TPTE2: variants seen among roughly 807,000 people sequenced by gnomAD.
The protein encoded by TPTE2 is transmembrane phosphoinositide 3-phosphatase and tensin homolog 2.
TPTE2 carries 53 observed loss-of-function variants against 78.6 expected under a neutral mutation model. The ratio of observed to expected loss-of-function variants is 0.67; its 90% CI spans 0.54 to 0.85. The LOEUF (loss-of-function observed/expected upper bound fraction) is 0.85, where lower values mean the gene tolerates loss of function less well. Ranked by LOEUF, TPTE2 falls within the 40% of genes least tolerant of loss-of-function variation. The probability of loss-of-function intolerance (pLI) is 0.00; values close to 1 mark genes in which losing one functional copy is unlikely to be tolerated. For synonymous variants in TPTE2, 175 were observed against 206.2 expected (o/e 0.85, Z 1.30); for missense variants, 461 against 623.0 (o/e 0.74, Z 2.77).
chr13:19,475,681 C>T (rs1233058774), intron 4 of TPTE2, 58 bp from the exon 8 acceptor site: 3 of 1,547,134 alleles, frequency 1.9e-6, no homozygotes, highest in African/African-American at 2.8e-5. Context: ...GTAAATTTAA[C>T]CAAAAAACAA....
intron 10 of TPTE2, among the ~76,000 whole-genome samples, chr13:19,458,055 A>G (rs1199832740): frequency 1.3e-5 from 2 of 152,188 alleles, no homozygotes; most frequent in Non-Finnish European, 2.9e-5. Context: ...CTAAATATAA[A>G]CCAATATAAA....
At chr13:19,519,199 C>T (rs1869996034) in intron 1 of TPTE2, among the ~76,000 whole-genome samples, 1 of 151,920 alleles carries the variant, frequency 6.6e-6, no homozygotes, top group Non-Finnish European at 1.5e-5. Flanking sequence ...TGAAATATGC[C>T]CAGAGCATTC....
At chr13:19,528,850 T>G (rs1225176422) in intron 1 of TPTE2, among the ~76,000 whole-genome samples, 1 of 152,172 alleles carries the variant, frequency 6.6e-6, no homozygotes, top group Admixed American at 6.5e-5. Flanking sequence ...CTGGGTGTGG[T>G]GGCTCACGCC....
At chr13:19,529,883 T>C (rs1340394088) in intron 1 of TPTE2, among the ~76,000 whole-genome samples, 1 of 152,174 alleles carries the variant, frequency 6.6e-6, no homozygotes, top group African/African-American at 2.4e-5. Flanking sequence ...TCCACTGAGC[T>C]TTCTGGCTTT....
the TPTE2 span, chr13:19,560,525 G>A: frequency 6.3e-7 from 1 of 1,587,078 alleles, no homozygotes. Flanking sequence ...TGGTCAGACA[G>A]CGACAGCGAT....
intron 1 of TPTE2, among the ~76,000 whole-genome samples, chr13:19,512,205 A>G (rs911680206): frequency 6.6e-6 from 1 of 152,218 alleles, no homozygotes; most frequent in Non-Finnish European, 1.5e-5. Context: ...GTCATCTCAT[A>G]TAAAAGACGT....
chr13:19,506,482 G>T (rs1270891303), upstream of TPTE2, among the ~76,000 whole-genome samples: 1 of 151,988 alleles, frequency 6.6e-6, no homozygotes, highest in African/African-American at 2.4e-5. Flanking sequence ...CTAAATCTTT[G>T]TTTTTAACTC....
chr13:19,498,560 C>T (rs1170975151), intron 1 of TPTE2, among the ~76,000 whole-genome samples: 89 of 151,364 alleles, frequency 5.9e-4, no homozygotes, highest in African/African-American at 1.5e-3. Context: ...GCTTCATAAG[C>T]GAAGGAGAAA....
intron 1 of TPTE2, among the ~76,000 whole-genome samples, chr13:19,515,399 T>A (rs560078569): frequency 1.3e-5 from 2 of 152,338 alleles, no homozygotes; most frequent in East Asian, 3.9e-4. Context: ...AGAAAAGTTC[T>A]CCTACACAAA....
intron 3 of TPTE2, among the ~76,000 whole-genome samples, chr13:19,489,671 T>C (rs1254591828): frequency 6.7e-6 from 1 of 150,318 alleles, no homozygotes; most frequent in African/African-American, 2.4e-5. Context: ...TATACACAAA[T>C]ACATATTTAT....
the TPTE2 span, chr13:19,560,426 C>G: frequency 6.2e-7 from 1 of 1,608,838 alleles, no homozygotes; most frequent in Non-Finnish European, 8.5e-7. Context: ...AAGTCCTCAG[C>G]GAAGGCCAAC....
intron 1 of TPTE2, among the ~76,000 whole-genome samples, chr13:19,522,829 C>T (rs1870253395): frequency 6.6e-6 from 1 of 151,646 alleles, no homozygotes; most frequent in Non-Finnish European, 1.5e-5. Flanking sequence ...GGTTTCACCA[C>T]ATTAGCAAGG....
chr13:19,469,034 C>T (rs1394474201), intron 6 of TPTE2, among the ~76,000 whole-genome samples: 1 of 152,110 alleles, frequency 6.6e-6, no homozygotes, highest in Non-Finnish European at 1.5e-5. Flanking sequence ...GATGTGATCC[C>T]ATTTGCCCAT....
the TPTE2 span, among the ~76,000 whole-genome samples, chr13:19,544,104 GAAGTA>G: frequency 7.7e-6 from 1 of 130,516 alleles, no homozygotes; most frequent in Admixed American, 7.8e-5. Flanking sequence ...AGAGAAATGA[GAAGTA>G]GAGAAAATGA....
chr13:19,441,408 C>T (rs1842502222), intron 13 of TPTE2, among the ~76,000 whole-genome samples: 2 of 151,868 alleles, frequency 1.3e-5, no homozygotes, highest in South Asian at 4.1e-4. Context: ...ACTTCCAAAT[C>T]TAAAAGTTAA....
At chr13:19,553,775 C>T in the TPTE2 span, among the ~76,000 whole-genome samples, 2 of 152,102 alleles carry the variant, frequency 1.3e-5, no homozygotes, top group Non-Finnish European at 2.9e-5. Flanking sequence ...TGGTTGCCTG[C>T]GTACTGTGTG....
intron 10 of TPTE2, among the ~76,000 whole-genome samples, chr13:19,463,314 C>A (rs1012562659): frequency 2.6e-5 from 4 of 152,130 alleles, no homozygotes; most frequent in African/African-American, 9.7e-5. Flanking sequence ...TCCTTAAATT[C>A]TTCAGCTCCA....
chr13:19,501,440 G>C (rs1244557496), intron 1 of TPTE2, among the ~76,000 whole-genome samples: 1 of 128,258 alleles, frequency 7.8e-6, no homozygotes, highest in African/African-American at 2.9e-5. Flanking sequence ...CATGGTACTG[G>C]CACCAAAACA....
the TPTE2 span, among the ~76,000 whole-genome samples, chr13:19,557,655 GA>G: frequency 3.3e-5 from 5 of 152,042 alleles, no homozygotes; most frequent in African/African-American, 9.7e-5. Context: ...AGTTTGGGGG[GA>G]TGTTACAGTC....
Sources: gnomAD v4.1 joint callset for allele counts (sites outside exome capture counted in the v4.1 genomes callset) on GRCh38, gnomAD v4.1.1 for gene constraint, MANE v1.5 for transcripts, NCBI Gene and HGNC (gene_info 2026-07-23, HGNC 2026-07-21) for gene names.